Variants in ANKS1B observed in about 807,000 individuals in gnomAD.
ANKS1B encodes the protein ankyrin repeat and sterile alpha motif domain-containing protein 1B.
ANKS1B carries 36 observed loss-of-function variants against 148.3 expected under a neutral mutation model. The ratio of observed to expected loss-of-function variants is 0.24; its 90% CI spans 0.19 to 0.32. ANKS1B has a LOEUF of 0.32. Ranked by LOEUF, ANKS1B falls within the 10% of genes least tolerant of loss-of-function variation. The pLI is 1.00. For missense variants in ANKS1B, 1,157 were observed against 1,542.6 expected (o/e 0.75, Z 4.19); for synonymous variants, 542 against 560.8 (o/e 0.97, Z 0.47).
At chr12:99,297,033 G>A (rs1298730205) in intron 12 of ANKS1B, among the ~76,000 whole-genome samples, 1 of 152,062 alleles carries the variant, frequency 6.6e-6, no homozygotes, top group East Asian at 1.9e-4. Flanking sequence ...TAGCTCATTA[G>A]CTTTGTTAGC....
intron 1 of ANKS1B, among the ~76,000 whole-genome samples, chr12:99,840,117 G>A (rs2085474411): frequency 6.6e-6 from 1 of 152,070 alleles, no homozygotes; most frequent in Non-Finnish European, 1.5e-5. Flanking sequence ...ATATACAAAT[G>A]AATATATAAA....
At chr12:99,692,070 T>G (rs1419136996) in intron 8 of ANKS1B, among the ~76,000 whole-genome samples, 25 of 152,206 alleles carry the variant, frequency 1.6e-4, no homozygotes, top group Non-Finnish European at 1.2e-4. Flanking sequence ...AAATTTGTTG[T>G]TAAAAGTGGG....
chr12:99,591,056 T>C (rs1257777476), intron 9 of ANKS1B, among the ~76,000 whole-genome samples: 1 of 152,090 alleles, frequency 6.6e-6, no homozygotes, highest in Non-Finnish European at 1.5e-5. Flanking sequence ...CTTTCCTTTA[T>C]TTGGTATCTT....
intron 14 of ANKS1B, among the ~76,000 whole-genome samples, chr12:99,163,062 A>C (rs924206190): frequency 2.6e-5 from 4 of 152,180 alleles, no homozygotes; most frequent in Non-Finnish European, 4.4e-5. Flanking sequence ...TGTCAAAAAA[A>C]AAAAAAATTC....
chr12:99,317,233 C>T (rs923548449), intron 12 of ANKS1B, among the ~76,000 whole-genome samples: 1 of 152,168 alleles, frequency 6.6e-6, no homozygotes, highest in Non-Finnish European at 1.5e-5. Flanking sequence ...ATGGGAATGG[C>T]ATTGAATCTA....
At chr12:99,417,666 C>T (rs191925065) in intron 11 of ANKS1B, among the ~76,000 whole-genome samples, 2 of 152,232 alleles carry the variant, frequency 1.3e-5, no homozygotes, top group African/African-American at 2.4e-5. Context: ...ACTGAGTCTT[C>T]TAATCCATAA....
chr12:99,297,311 C>A lies in ANKS1B; in HGVS notation c.1757-50447G>T, dbSNP rs188803654. Among the ~76,000 whole-genome samples, 767 of 152,244 alleles carry A rather than the reference C, an allele frequency of 5.0e-3. 11 individuals are homozygous for A. Among genetic ancestry groups the A allele is most frequent in the African/African-American group, 0.018 (742 of 41,542 alleles). ...CAAACAATGAAATCAATTTCTTGAG[C>A]CCTATCCATGTTGCAAAGGTATAAA... On this transcript the variant is annotated intron_variant, in intron 12 of 26. Transcript: ENST00000683438.
At chr12:98,769,165 CTTTTTTTTTTTT>C (rs1182264550) in intron 25 of ANKS1B, among the ~76,000 whole-genome samples, 68 of 41,230 alleles carry the variant, frequency 1.6e-3, no homozygotes, top group African/African-American at 4.6e-3. Flanking sequence ...GTCTTCTTTA[CTTTTTTTTTTTT>C]TTTTTTTTTT....
intron 17 of ANKS1B, among the ~76,000 whole-genome samples, chr12:98,850,979 C>T (rs1190121819): frequency 6.6e-6 from 1 of 152,096 alleles, no homozygotes; most frequent in Non-Finnish European, 1.5e-5. Flanking sequence ...ATTAAAGAAC[C>T]GCAGCATGTT....
chr12:99,647,079 G>A (rs2098377240), intron 9 of ANKS1B, among the ~76,000 whole-genome samples: 1 of 151,718 alleles, frequency 6.6e-6, no homozygotes, highest in Non-Finnish European at 1.5e-5. Context: ...AAAAGAAAAT[G>A]AAAATTATAC....
At chr12:98,895,376 A>T in intron 17 of ANKS1B, 1 of 929,626 alleles carries the variant, frequency 1.1e-6, no homozygotes, top group Non-Finnish European at 1.3e-6. Flanking sequence ...GCGGGTGCCC[A>T]GGTGACCGGC....
intron 12 of ANKS1B, among the ~76,000 whole-genome samples, chr12:99,291,342 C>T (rs1037010093): frequency 1.3e-5 from 2 of 152,044 alleles, no homozygotes; most frequent in African/African-American, 4.8e-5. Context: ...AGATTCAATG[C>T]AATCCCTATC....
intron 8 of ANKS1B, among the ~76,000 whole-genome samples, chr12:99,708,979 T>C (rs189460063): frequency 6.6e-6 from 1 of 152,272 alleles, no homozygotes; most frequent in Non-Finnish European, 1.5e-5. Context: ...TGTAAATTAA[T>C]TAGAGATTGA....
chr12:98,769,451 A>G (rs1033770980), intron 25 of ANKS1B, among the ~76,000 whole-genome samples: 1 of 152,120 alleles, frequency 6.6e-6, no homozygotes, highest in Non-Finnish European at 1.5e-5. Flanking sequence ...TGTAAGATGA[A>G]AGTCCTTTGG....
At chr12:98,757,834 A>ATAAG (rs1187251617) in intron 25 of ANKS1B, among the ~76,000 whole-genome samples, 1 of 152,244 alleles carries the variant, frequency 6.6e-6, no homozygotes, top group African/African-American at 2.4e-5. Flanking sequence ...TCTTTCTAGC[A>ATAAG]TAAGTCTTTT....
intron 17 of ANKS1B, among the ~76,000 whole-genome samples, chr12:98,842,359 T>A (rs1282702779): frequency 1.3e-5 from 2 of 152,214 alleles, no homozygotes; most frequent in African/African-American, 4.8e-5. Context: ...TCCATTTACA[T>A]GAGTTTCTAG....
At chr12:98,927,817 T>G (rs2099810093) in intron 17 of ANKS1B, among the ~76,000 whole-genome samples, 1 of 149,386 alleles carries the variant, frequency 6.7e-6, no homozygotes, top group Non-Finnish European at 1.5e-5. Context: ...ACTAGAAAAT[T>G]TATATGTTAA....
At chr12:98,836,401 A>G (rs1293996081) in intron 17 of ANKS1B, among the ~76,000 whole-genome samples, 2 of 152,174 alleles carry the variant, frequency 1.3e-5, no homozygotes, top group African/African-American at 4.8e-5. Context: ...CCAAGATTCA[A>G]TCCGAGCTGG....
In ANKS1B at chr12:99,005,949, G is replaced by A. The variant is rs182770943; in HGVS notation, c.2778+47208C>T. Among the ~76,000 whole-genome samples the A allele has an allele frequency of 3.3e-5, 5 of 152,272 alleles. No individual in the cohort carries two copies. The East Asian group carries it at 5.8e-4, about 18-fold the overall frequency. Reference sequence around the variant, plus strand: ...ATAGACAGCTGGAATAAACCATGACGATGAAAGTCTTCTTCCAATGACTGA... The same window carrying A: ...ATAGACAGCTGGAATAAACCATGACAATGAAAGTCTTCTTCCAATGACTGA... On this transcript the variant is annotated intron_variant, in intron 17 of 26. Coordinates refer to ENST00000683438, the MANE Select transcript of ANKS1B (RefSeq NM_001352186.2).
Sources: gnomAD v4.1 joint callset for allele counts (sites outside exome capture counted in the v4.1 genomes callset) on GRCh38, gnomAD v4.1.1 for gene constraint, MANE v1.5 for transcripts, NCBI Gene and HGNC (gene_info 2026-07-23, HGNC 2026-07-21) for gene names.